The following ELOVL6 variants were observed in gnomAD, a reference collection of about 807,000 sequenced individuals.
ELOVL6 encodes very long chain fatty acid elongase 6.
In ELOVL6, 8 loss-of-function variants were observed where a neutral mutation model predicts 31.7. The observed-to-expected ratio is 0.25, with a 90% CI of 0.15 to 0.45. The LOEUF (loss-of-function observed/expected upper bound fraction) is 0.45. Among genes scored for constraint, ELOVL6 ranks in the 20% least tolerant of loss-of-function variants. The pLI, the probability that ELOVL6 is intolerant of heterozygous loss-of-function variation, is 1.00. For missense variants in ELOVL6, 126 were observed against 326.4 expected, an observed-to-expected ratio of 0.39 and a Z score of 4.73; for synonymous variants, 101 against 117.7, an observed-to-expected ratio of 0.86 and a Z score of 0.92.
intron 2 of ELOVL6, among the ~76,000 whole-genome samples, chr4:110,086,210 T>A (rs1336539355): frequency 6.6e-6 from 1 of 152,204 alleles, no homozygotes; most frequent in Admixed American, 6.5e-5. Context: ...GTAAGCAGCA[T>A]GGCATTTTAA....
chr4:110,092,402 T>C (rs964709303), intron 2 of ELOVL6, among the ~76,000 whole-genome samples: 1 of 152,102 alleles, frequency 6.6e-6, no homozygotes, highest in African/African-American at 2.4e-5. Context: ...TGTAGGAAAA[T>C]GATTTTCATT....
At chr4:110,183,255 T>C (rs1759343654) in intron 1 of ELOVL6, among the ~76,000 whole-genome samples, 1 of 152,352 alleles carries the variant, frequency 6.6e-6, no homozygotes, top group Middle Eastern at 3.4e-3. Context: ...TCTTTTCTAC[T>C]GATTCCTGGC....
intron 2 of ELOVL6, among the ~76,000 whole-genome samples, chr4:110,069,858 G>A (rs562885879): frequency 2.0e-5 from 3 of 152,070 alleles, no homozygotes; most frequent in Non-Finnish European, 2.9e-5. Flanking sequence ...AGCCCCTGTG[G>A]GTCCTAGCTC....
At chr4:110,072,462 G>C (rs1339586115) in intron 2 of ELOVL6, among the ~76,000 whole-genome samples, 1 of 152,158 alleles carries the variant, frequency 6.6e-6, no homozygotes, top group Non-Finnish European at 1.5e-5. Context: ...GTGACAGAGA[G>C]AGACTCCGTC....
At chr4:110,189,335 C>T (rs372926966) in intron 1 of ELOVL6, among the ~76,000 whole-genome samples, 1 of 151,576 alleles carries the variant, frequency 6.6e-6, no homozygotes, top group African/African-American at 2.4e-5. Flanking sequence ...GCCTGTAGTC[C>T]CAAAACTTTG....
intron 2 of ELOVL6, among the ~76,000 whole-genome samples, chr4:110,074,682 T>A (rs1755581055): frequency 6.6e-6 from 1 of 151,950 alleles, no homozygotes; most frequent in Non-Finnish European, 1.5e-5. Context: ...TGATAAGGAG[T>A]GTGTGGAGTG....
intron 2 of ELOVL6, among the ~76,000 whole-genome samples, chr4:110,070,413 T>C (rs967864907): frequency 1.3e-5 from 2 of 152,208 alleles, no homozygotes; most frequent in African/African-American, 2.4e-5. Context: ...AGTCATCTTG[T>C]TTCTACAGAA....
chr4:110,186,495 A>G (rs1356844104), intron 1 of ELOVL6, among the ~76,000 whole-genome samples: 9 of 152,012 alleles, frequency 5.9e-5, no homozygotes, highest in African/African-American at 1.9e-4. Context: ...AACAAGCAGT[A>G]TGGGTTAGTG....
At chr4:110,188,902 A>G (rs1759525096) in intron 1 of ELOVL6, among the ~76,000 whole-genome samples, 1 of 152,044 alleles carries the variant, frequency 6.6e-6, no homozygotes, top group Non-Finnish European at 1.5e-5. Context: ...AAAAAAAAAA[A>G]AAAGTAAAAC....
chr4:110,074,082 G>A (rs1755564380), intron 2 of ELOVL6, among the ~76,000 whole-genome samples: 1 of 152,124 alleles, frequency 6.6e-6, no homozygotes, highest in Non-Finnish European at 1.5e-5. Flanking sequence ...CAGAATTGCA[G>A]ACAGCCCAGG....
intron 2 of ELOVL6, among the ~76,000 whole-genome samples, chr4:110,104,653 T>C (rs1246497413): frequency 6.6e-6 from 1 of 152,206 alleles, no homozygotes; most frequent in East Asian, 1.9e-4. Flanking sequence ...CTACATTTAC[T>C]CCGCTCCCGT....
At position 110,185,661 on chromosome 4, in the gene ELOVL6, A is replaced by G. The variant is rs1043704448; in HGVS notation, c.89+12586T>C. 2.6e-4 allele frequency among the ~76,000 whole-genome samples: 40 copies of G among 152,220 alleles called. 1 individual carries two copies. Among genetic ancestry groups the G allele is most frequent in the Non-Finnish European group, 7.3e-5 (5 of 68,030 alleles). On this transcript the variant is annotated intron_variant, in intron 1 of 3. Transcript: ENST00000302274. ...AACATAATATGTACAAGTAGTATTAAGACAACCATGCAGAAATGGAAATAA... is the reference window on the plus strand; with the variant it reads ...AACATAATATGTACAAGTAGTATTAGGACAACCATGCAGAAATGGAAATAA...
chr4:110,121,031 C>T (rs1489492339), intron 1 of ELOVL6, among the ~76,000 whole-genome samples: 3 of 151,994 alleles, frequency 2.0e-5, no homozygotes, highest in Non-Finnish European at 4.4e-5. Context: ...GAACTCCTGA[C>T]CTCAGGTGAT....
At chr4:110,135,420 T>A (rs1757784574) in intron 1 of ELOVL6, among the ~76,000 whole-genome samples, 1 of 152,190 alleles carries the variant, frequency 6.6e-6, no homozygotes. Context: ...CTGGCTTCTG[T>A]ATGACTTCAA....
intron 1 of ELOVL6, among the ~76,000 whole-genome samples, chr4:110,127,578 TTAGTTTTCCAGGTGAAAGA>T (rs1757545113): frequency 1.4e-5 from 1 of 70,254 alleles, no homozygotes; most frequent in Non-Finnish European, 2.8e-5. Context: ...AAGTTATGAG[TTAGTTTTCCAGGTGAAAGA>T]TAGTTTTCCA....
intron 1 of ELOVL6, among the ~76,000 whole-genome samples, chr4:110,154,884 A>C (rs1758372004): frequency 1.3e-5 from 2 of 152,232 alleles, no homozygotes; most frequent in African/African-American, 4.8e-5. Flanking sequence ...AATGTGCTAG[A>C]GGTCAAAACA....
chr4:110,098,357 C>A (rs768555294), intron 2 of ELOVL6, among the ~76,000 whole-genome samples: 1 of 152,160 alleles, frequency 6.6e-6, no homozygotes, highest in Non-Finnish European at 1.5e-5. Flanking sequence ...AATCTTATAT[C>A]ATGGCTACAA....
chr4:110,111,304 C>A (rs1486922508), intron 1 of ELOVL6, among the ~76,000 whole-genome samples: 2 of 151,248 alleles, frequency 1.3e-5, no homozygotes, highest in Non-Finnish European at 2.9e-5. Context: ...TCTAAAAAGA[C>A]TCTTTAATAC....
At chr4:110,164,757 A>AAC in intron 1 of ELOVL6, among the ~76,000 whole-genome samples, 1 of 121,102 alleles carries the variant, frequency 8.3e-6, no homozygotes, top group African/African-American at 3.6e-5. Context: ...AAAAAAAAAG[A>AAC]AAAAAAAAAA....
Sources: gnomAD v4.1 joint callset for allele counts (sites outside exome capture counted in the v4.1 genomes callset) on GRCh38, gnomAD v4.1.1 for gene constraint, MANE v1.5 for transcripts, NCBI Gene and HGNC (gene_info 2026-07-23, HGNC 2026-07-21) for gene names.